The following CNTNAP5 variants were observed in gnomAD, a reference collection of about 807,000 sequenced individuals.
CNTNAP5 encodes the protein contactin-associated protein-like 5.
Under a neutral mutation model 150.2 loss-of-function variants are expected in CNTNAP5, and 72 were observed. The observed-to-expected ratio is 0.48, with a 90% CI of 0.40 to 0.58. CNTNAP5 has a LOEUF of 0.58. Among genes scored for constraint, CNTNAP5 ranks in the 20% least tolerant of loss-of-function variants. CNTNAP5 has a pLI of 0.00. For missense variants in CNTNAP5, 1,636 were observed against 1,626.2 expected, an observed-to-expected ratio of 1.01 and a Z score of -0.10; for synonymous variants, 672 against 619.8, an observed-to-expected ratio of 1.08 and a Z score of -1.25.
intron 14 of CNTNAP5, among the ~76,000 whole-genome samples, chr2:124,754,399 G>A (rs925367422): frequency 6.6e-6 from 1 of 152,072 alleles, no homozygotes; most frequent in African/African-American, 2.4e-5. Flanking sequence ...GGTTTATGTG[G>A]GTTTTTGCTC....
intron 1 of CNTNAP5, among the ~76,000 whole-genome samples, chr2:124,098,328 G>A (rs562009516): frequency 1.4e-3 from 218 of 152,264 alleles, no homozygotes; most frequent in African/African-American, 5.1e-3. Flanking sequence ...AGGCTTAGAA[G>A]GAAGAGGGGG....
At chr2:124,451,026 T>G (rs1205861933) in intron 6 of CNTNAP5, among the ~76,000 whole-genome samples, 1 of 23,882 alleles carries the variant, frequency 4.2e-5, no homozygotes, top group African/African-American at 1.5e-4. Context: ...GGACCATGTC[T>G]CTTAAAAAAA....
intron 21 of CNTNAP5, among the ~76,000 whole-genome samples, chr2:124,877,870 A>G (rs1234164180): frequency 6.6e-6 from 1 of 152,120 alleles, no homozygotes; most frequent in Non-Finnish European, 1.5e-5. Context: ...TTATTTCATA[A>G]TATCTTTCTG....
At chr2:124,615,679 A>G (rs1677479622) in intron 12 of CNTNAP5, among the ~76,000 whole-genome samples, 1 of 152,186 alleles carries the variant, frequency 6.6e-6, no homozygotes, top group Non-Finnish European at 1.5e-5. Context: ...TCTTAATGAG[A>G]TCTACAATGG....
intron 4 of CNTNAP5, among the ~76,000 whole-genome samples, chr2:124,428,935 A>G (rs1405515396): frequency 6.6e-6 from 1 of 152,166 alleles, no homozygotes; most frequent in Non-Finnish European, 1.5e-5. Context: ...TAAAGAGCCC[A>G]TGTCTACCCT....
intron 13 of CNTNAP5, among the ~76,000 whole-genome samples, chr2:124,696,918 T>C (rs941150829): frequency 1.3e-5 from 2 of 152,174 alleles, no homozygotes; most frequent in African/African-American, 2.4e-5. Context: ...TTATTTCTCT[T>C]TTTAAATTCA....
intron 17 of CNTNAP5, among the ~76,000 whole-genome samples, chr2:124,773,686 C>T (rs1417631626): frequency 2.0e-5 from 3 of 152,006 alleles, no homozygotes; most frequent in Non-Finnish European, 2.9e-5. Flanking sequence ...TACAACTGGT[C>T]AGGTATCTTG....
At chr2:124,877,143 A>G (rs1035646324) in intron 21 of CNTNAP5, among the ~76,000 whole-genome samples, 1 of 152,150 alleles carries the variant, frequency 6.6e-6, no homozygotes. Flanking sequence ...CTGATTTAAG[A>G]TGCAATTTTA....
chr2:124,293,666 A>T (rs1471041956), intron 3 of CNTNAP5, among the ~76,000 whole-genome samples: 1 of 152,184 alleles, frequency 6.6e-6, no homozygotes. Flanking sequence ...TGCATTATGC[A>T]TACTTCTCTC....
intron 20 of CNTNAP5, among the ~76,000 whole-genome samples, chr2:124,866,898 A>G (rs564108669): frequency 9.9e-4 from 151 of 152,290 alleles, no homozygotes; most frequent in Non-Finnish European, 1.6e-3. Flanking sequence ...CTCTGAGCAG[A>G]TGACTTTGCT....
intron 3 of CNTNAP5, among the ~76,000 whole-genome samples, chr2:124,276,899 A>G (rs1034107203): frequency 6.6e-6 from 1 of 152,284 alleles, no homozygotes; most frequent in African/African-American, 2.4e-5. Context: ...GGCAGGATTA[A>G]GAGAGGAGAC....
In CNTNAP5 at chr2:124,095,751, G is replaced by A. The variant is rs12711667; in HGVS notation, c.82+70019G>A. 7.2e-5 allele frequency among the ~76,000 whole-genome samples: 11 copies of A among 151,894 alleles called. No individual in the cohort carries two copies. The East Asian group carries it at 9.7e-4, about 13-fold the overall frequency. ...TTATTTTAAATTGCCTTGATTTTTT[G>A]ATTTTAATATGCATCTTTTTTTTTC... is the stretch of plus-strand genomic sequence containing the variant. On this transcript the variant is annotated intron_variant, in intron 1 of 23. Coordinates refer to ENST00000682447, the MANE Select transcript of CNTNAP5 (RefSeq NM_001367498.1).
Position 124,825,002 on chromosome 2 carries a change from A to G in CNTNAP5, c.3217+26682A>G, listed in dbSNP as rs759148861. On this transcript the variant is annotated intron_variant, in intron 19 of 23. Transcript: ENST00000682447. ...TCCTAAAAACGGTAGACTTCTATTC[A>G]TATTACAAATATTTCAACTACTTAC... is the stretch of plus-strand genomic sequence containing the variant. 9.7e-4 allele frequency among the ~76,000 whole-genome samples: 148 copies of G among 152,210 alleles called. 1 individual carries two copies. Among genetic ancestry groups the G allele is most frequent in the Non-Finnish European group, 3.1e-4 (21 of 68,030 alleles).
intron 1 of CNTNAP5, among the ~76,000 whole-genome samples, chr2:124,058,756 G>A (rs1015443422): frequency 6.6e-6 from 1 of 152,124 alleles, no homozygotes; most frequent in Admixed American, 6.5e-5. Flanking sequence ...TCTACCAGTT[G>A]TCTTCTACCA....
intron 1 of CNTNAP5, among the ~76,000 whole-genome samples, chr2:124,084,149 T>A (rs1558749402): frequency 6.6e-6 from 1 of 152,188 alleles, no homozygotes. Context: ...AATGATATTT[T>A]ATTTTATTTT....
At chr2:124,794,590 CT>C (rs1412111195) in intron 18 of CNTNAP5, among the ~76,000 whole-genome samples, 1 of 152,078 alleles carries the variant, frequency 6.6e-6, no homozygotes, top group East Asian at 1.9e-4. Flanking sequence ...TGCCAAAAAC[CT>C]GTCCAGAAAT....
At chr2:124,313,990 A>G (rs961567836) in intron 3 of CNTNAP5, among the ~76,000 whole-genome samples, 1 of 152,218 alleles carries the variant, frequency 6.6e-6, no homozygotes, top group Non-Finnish European at 1.5e-5. Flanking sequence ...CTGAAAATAT[A>G]CTGCATTATA....
At chr2:124,806,009 C>T (rs1381695402) in intron 19 of CNTNAP5, among the ~76,000 whole-genome samples, 1 of 152,212 alleles carries the variant, frequency 6.6e-6, no homozygotes, top group East Asian at 1.9e-4. Context: ...TAGTCTTCAA[C>T]ATATGAATCT....
intron 3 of CNTNAP5, among the ~76,000 whole-genome samples, chr2:124,252,696 C>G (rs1382749061): frequency 6.6e-6 from 1 of 152,104 alleles, no homozygotes; most frequent in Admixed American, 6.6e-5. Context: ...ATGGCTTTGT[C>G]AATTTTGTGT....
Sources: allele counts gnomAD v4.1 joint callset (sites outside exome capture counted in the v4.1 genomes callset), GRCh38; gene constraint gnomAD v4.1.1; transcripts MANE v1.5; gene names NCBI Gene and HGNC (gene_info 2026-07-23, HGNC 2026-07-21).